LRBA: variants seen among roughly 807,000 people sequenced by gnomAD.
LRBA encodes the protein lipopolysaccharide-responsive and beige-like anchor protein.
In LRBA, 176 loss-of-function variants were observed where a neutral mutation model predicts 330.0. The ratio of observed to expected loss-of-function variants is 0.53; its 90% confidence interval spans 0.47 to 0.60. LRBA has a LOEUF of 0.60. LRBA is among the 20% of genes least tolerant of loss of function. The probability of loss-of-function intolerance (pLI) is 0.00; values close to 1 mark genes in which losing one functional copy is unlikely to be tolerated. For missense variants in LRBA, 3,259 were observed against 3,444.8 expected (o/e 0.95, Z 1.35); for synonymous variants, 1,230 against 1,193.0 (o/e 1.03, Z -0.64).
chr4:150,928,915 G>A lies in LRBA; in HGVS notation c.367C>T (p.Arg123Trp), dbSNP rs761325483. The change falls in exon 3 of 57, where the codon CGG becomes TGG. Residue 123 changes from arginine to tryptophan, a missense_variant. Physicochemically the swap from Arg to Trp is moderately radical, Grantham distance 101. Coordinates refer to ENST00000651943, the MANE Select transcript of LRBA (RefSeq NM_001364905.1). ...MFTAILKKSI[R>W]NLQVCTEVGL... Reference sequence around the variant, plus strand: ...ACTTCAGTGCAGACTTGAAGATTCCGTATGCTTTTCTTCAGAATGGCTGTA... The same window carrying A: ...ACTTCAGTGCAGACTTGAAGATTCCATATGCTTTTCTTCAGAATGGCTGTA... 6.8e-6 allele frequency: 11 copies of A among 1,613,816 alleles called. No homozygotes were observed. Among genetic ancestry groups the A allele is most frequent in the Non-Finnish European group, 9.3e-6 (11 of 1,179,972 alleles).
chr4:150,507,332 A>G (rs532884300), intron 40 of LRBA, among the ~76,000 whole-genome samples: 1 of 152,344 alleles, frequency 6.6e-6, no homozygotes, highest in Non-Finnish European at 1.5e-5. Context: ...AAACTATACT[A>G]CAAGGCTACA....
intron 38 of LRBA, among the ~76,000 whole-genome samples, chr4:150,593,504 T>C (rs979100057): frequency 6.6e-6 from 1 of 152,212 alleles, no homozygotes; most frequent in African/African-American, 2.4e-5. Context: ...AGCTGGGCTC[T>C]TAACCACGAT....
At chr4:150,706,301 G>A (rs1237233982) in intron 36 of LRBA, among the ~76,000 whole-genome samples, 6 of 151,772 alleles carry the variant, frequency 4.0e-5, no homozygotes, top group Admixed American at 6.6e-5. Flanking sequence ...AATCAAACTC[G>A]AAATTGACCC....
At chr4:150,267,556 C>CAT (rs559959151) in intron 56 of LRBA, among the ~76,000 whole-genome samples, 1 of 152,150 alleles carries the variant, frequency 6.6e-6, no homozygotes, top group South Asian at 2.1e-4. Context: ...GCTGTAAACA[C>CAT]ATAGATTTAA....
chr4:150,313,781 G>A (rs901600407), intron 51 of LRBA, among the ~76,000 whole-genome samples: 4 of 150,188 alleles, frequency 2.7e-5, no homozygotes, highest in South Asian at 4.2e-4. Flanking sequence ...GAGATATCTT[G>A]GGGATGATAG....
intron 37 of LRBA, among the ~76,000 whole-genome samples, chr4:150,605,673 A>C (rs1283583256): frequency 6.6e-6 from 1 of 152,206 alleles, no homozygotes; most frequent in African/African-American, 2.4e-5. Flanking sequence ...TAAGTTCTAG[A>C]AAGGTTTCAC....
At chr4:150,307,565 T>TA (rs113281423) in intron 52 of LRBA, among the ~76,000 whole-genome samples, 127 of 139,262 alleles carry the variant, frequency 9.1e-4, no homozygotes, top group Middle Eastern at 3.6e-3. Flanking sequence ...TATAAAAATT[T>TA]AAAAAAAAAA....
At chr4:150,949,241 C>T (rs1401193856) in intron 2 of LRBA, among the ~76,000 whole-genome samples, 1 of 152,012 alleles carries the variant, frequency 6.6e-6, no homozygotes, top group African/African-American at 2.4e-5. Flanking sequence ...TACATCCATA[C>T]CATAAAATAC....
intron 40 of LRBA, among the ~76,000 whole-genome samples, chr4:150,569,397 G>A (rs1486904688): frequency 6.6e-6 from 1 of 152,086 alleles, no homozygotes; most frequent in Non-Finnish European, 1.5e-5. Flanking sequence ...ACTTTCTATT[G>A]CTTTACATTG....
intron 40 of LRBA, among the ~76,000 whole-genome samples, chr4:150,563,084 A>C (rs1292707611): frequency 6.6e-6 from 1 of 152,192 alleles, no homozygotes; most frequent in Non-Finnish European, 1.5e-5. Context: ...GAAATAAGCC[A>C]CCACACCTGG....
chr4:150,518,234 T>TA (rs1762567490), intron 40 of LRBA, among the ~76,000 whole-genome samples: 2 of 152,210 alleles, frequency 1.3e-5, no homozygotes, highest in African/African-American at 2.4e-5. Context: ...GTGGATCTGA[T>TA]AACCTAAGCA....
chr4:150,336,011 G>C lies in LRBA; in HGVS notation c.7363-10113C>G, dbSNP rs192398609. 2.6e-3 allele frequency among the ~76,000 whole-genome samples: 403 copies of C among 152,294 alleles called. 1 individual carries two copies. The highest frequency in any genetic ancestry group is 5.7e-3 in the African/African-American group (237 of 41,550). ...ACGCCTGGCGAAGCCACTGTGCTTG[G>C]CCTTTATGAAGTTTAATTTATCCAT... On this transcript the variant is annotated intron_variant, in intron 48 of 56. Transcript: ENST00000651943.
In LRBA at chr4:150,639,691, T is replaced by A. The variant is rs112685631; in HGVS notation, c.5922-40560A>T. ...TTACTTTAGAATGTTCTACTGTATA[T>A]CAGTGAAAGTGACAAACTAGAAGAT... On this transcript the variant is annotated intron_variant, in intron 37 of 56. Coordinates refer to ENST00000651943, the MANE Select transcript of LRBA (RefSeq NM_001364905.1). Among the ~76,000 whole-genome samples, 671 of 135,752 alleles carry A rather than the reference T, an allele frequency of 4.9e-3. 9 individuals are homozygous for A. Among genetic ancestry groups the A allele is most frequent in the African/African-American group, 0.017 (633 of 36,182 alleles). 89.1% of individuals were successfully genotyped at this position (135,752 alleles called of 152,430 possible).
intron 47 of LRBA, among the ~76,000 whole-genome samples, chr4:150,407,705 A>C (rs1452014997): frequency 6.6e-6 from 1 of 152,184 alleles, no homozygotes; most frequent in African/African-American, 2.4e-5. Context: ...GAAATTAAAA[A>C]TAGAAAATAC....
intron 34 of LRBA, among the ~76,000 whole-genome samples, chr4:150,769,859 T>G (rs1736309550): frequency 6.6e-6 from 1 of 152,154 alleles, no homozygotes; most frequent in South Asian, 2.1e-4. Flanking sequence ...AATAACAAGG[T>G]TATAATTCTA....
chr4:150,317,372 CTT>C (rs1270871104), intron 50 of LRBA, among the ~76,000 whole-genome samples: 2 of 152,034 alleles, frequency 1.3e-5, no homozygotes, highest in African/African-American at 4.8e-5. Context: ...TAAATACCAA[CTT>C]TTTAAAGATG....
intron 17 of LRBA, among the ~76,000 whole-genome samples, chr4:150,874,519 G>A (rs60102523): frequency 0.083 from 12,671 of 152,208 alleles, 902 homozygotes; most frequent in African/African-American, 0.2. Context: ...TCGCAGGCCT[G>A]GGGTGGGAGG....
At chr4:150,993,663 T>C (rs545780603) in intron 2 of LRBA, among the ~76,000 whole-genome samples, 5 of 152,292 alleles carry the variant, frequency 3.3e-5, no homozygotes, top group South Asian at 4.1e-4. Context: ...GCAAAAGGCA[T>C]TTCTTACATG....
At chr4:150,644,577 A>AAAAT (rs1163688662) in intron 37 of LRBA, among the ~76,000 whole-genome samples, 1 of 151,950 alleles carries the variant, frequency 6.6e-6, no homozygotes, top group Non-Finnish European at 1.5e-5. Flanking sequence ...TAGACAATTA[A>AAAAT]AAATAAATAA....
Sources: gnomAD v4.1 joint callset for allele counts (sites outside exome capture counted in the v4.1 genomes callset) on GRCh38, gnomAD v4.1.1 for gene constraint, MANE v1.5 for transcripts, NCBI Gene and HGNC (gene_info 2026-07-23, HGNC 2026-07-21) for gene names.